GPBP1: variants seen among roughly 807,000 people sequenced by gnomAD.
GPBP1 encodes the protein vasculin.
Under a neutral mutation model 56.5 loss-of-function variants are expected in GPBP1, and 13 were observed. That is an observed-to-expected ratio of 0.23 (90% CI 0.15 to 0.37). The LOEUF (loss-of-function observed/expected upper bound fraction) is 0.37. Ranked by LOEUF, GPBP1 falls within the 10% of genes least tolerant of loss-of-function variation. The pLI is 1.00. For synonymous variants in GPBP1, 204 were observed against 188.9 expected (o/e 1.08, Z -0.66); for missense variants, 477 against 572.3 (o/e 0.83, Z 1.70).
At chr5:57,191,606 G>C (rs1325357883) in intron 2 of GPBP1, among the ~76,000 whole-genome samples, 1 of 150,784 alleles carries the variant, frequency 6.6e-6, no homozygotes, top group Non-Finnish European at 1.5e-5. Context: ...TCTATCACCA[G>C]GCTGGAGTGC....
rs150582613 is a variant in GPBP1 at position 57,176,666 on chromosome 5, G to A, written c.-58+266G>A. 3.2e-3 allele frequency among the ~76,000 whole-genome samples: 483 copies of A among 152,278 alleles called. 4 individuals are homozygous for A. The highest frequency in any genetic ancestry group is 0.011 in the African/African-American group (459 of 41,558). On this transcript the variant is annotated intron_variant, in intron 2 of 11. Transcript: ENST00000506184. ...GCTTTTTAAGTAAAAAGCTAAATTCGTATGGCCGGTATATATTGCCTTAGG... is the reference window on the plus strand; with the variant it reads ...GCTTTTTAAGTAAAAAGCTAAATTCATATGGCCGGTATATATTGCCTTAGG...
intron 2 of GPBP1, among the ~76,000 whole-genome samples, chr5:57,194,893 A>G (rs894964015): frequency 3.9e-5 from 6 of 152,260 alleles, no homozygotes; most frequent in Admixed American, 1.3e-4. Context: ...TTCTGTATCC[A>G]TTCATTCGTT....
intron 5 of GPBP1, among the ~76,000 whole-genome samples, chr5:57,235,311 A>C (rs554833040): frequency 2.0e-5 from 3 of 152,276 alleles, no homozygotes; most frequent in African/African-American, 7.2e-5. Flanking sequence ...ATTTCAAAAA[A>C]AAAAAATCTG....
intron 2 of GPBP1, among the ~76,000 whole-genome samples, chr5:57,177,989 C>G (rs1339682022): frequency 6.6e-6 from 1 of 151,784 alleles, no homozygotes; most frequent in South Asian, 2.1e-4. Context: ...CAGTGTTTCC[C>G]TTTGTTATAA....
chr5:57,252,388 C>G (rs1199759929), intron 10 of GPBP1, among the ~76,000 whole-genome samples: 1 of 151,864 alleles, frequency 6.6e-6, no homozygotes, highest in Non-Finnish European at 1.5e-5. Flanking sequence ...GCGAATTGTC[C>G]CAATATGTGA....
At chr5:57,236,075 ATATT>A in intron 6 of GPBP1, 43 bp downstream of exon 6, 1 of 1,241,178 alleles carries the variant, frequency 8.1e-7, no homozygotes, top group Non-Finnish European at 1.2e-6. Flanking sequence ...CAAAATGTTG[ATATT>A]TATAGGTTTC....
intron 3 of GPBP1, among the ~76,000 whole-genome samples, chr5:57,215,045 T>G (rs1325535871): frequency 6.6e-6 from 1 of 152,234 alleles, no homozygotes; most frequent in African/African-American, 2.4e-5. Context: ...TTTGTAGTAA[T>G]CAGAGTTTCA....
At chr5:57,237,166 C>A in intron 6 of GPBP1, 1 of 1,545,254 alleles carries the variant, frequency 6.5e-7, no homozygotes, top group Non-Finnish European at 8.8e-7. Flanking sequence ...CCAAGCTCCT[C>A]TCTTAGGTAT....
chr5:57,242,055 ACTT>A (rs932503562), intron 6 of GPBP1, among the ~76,000 whole-genome samples: 1 of 152,210 alleles, frequency 6.6e-6, no homozygotes, highest in Admixed American at 6.5e-5. Context: ...CATTAAGAAC[ACTT>A]CTTTTTCTTA....
rs869152603 is a variant in GPBP1 at position 57,219,375 on chromosome 5, C to CAA, written c.63+5209_63+5210dup. ...TGGGTGACAGAGCGAGACTCTGTCT[C>CAA]AAAAAAAAAAAAAAAAAAAAAAAAA... On this transcript the variant is annotated intron_variant, in intron 3 of 11. Transcript: ENST00000506184. 1.4e-3 allele frequency among the ~76,000 whole-genome samples: 51 copies of CAA among 35,284 alleles called. 1 individual carries two copies. Among genetic ancestry groups the CAA allele is most frequent in the African/African-American group, 3.5e-3 (31 of 8,850 alleles). The allele number at this position is 35,284 out of a possible 152,430, so 23.1% of individuals were successfully genotyped here.
intron 2 of GPBP1, among the ~76,000 whole-genome samples, chr5:57,179,221 C>T (rs992840205): frequency 6.6e-6 from 1 of 152,106 alleles, no homozygotes; most frequent in African/African-American, 2.4e-5. Flanking sequence ...TTTTTCTTTT[C>T]ATGTACTGCT....
In GPBP1 at chr5:57,250,944, T is replaced by A; in HGVS notation, c.973-10T>A. ...ATTCTTTTTTTTTTTTTTAACTCTC[T>A]AAAAATCAGGATGACGACTCATTTA... On this transcript the variant is annotated splice_polypyrimidine_tract_variant and intron_variant, in intron 9 of 11. Transcript: ENST00000506184. 1.3e-6 allele frequency: 2 copies of A among 1,513,908 alleles called. No individual in the cohort carries two copies. Among genetic ancestry groups the A allele is most frequent in the Non-Finnish European group, 9.0e-7 (1 of 1,116,576 alleles). The allele number at this position is 1,513,908 out of a possible 1,614,324, so 93.8% of individuals were successfully genotyped here.
intron 10 of GPBP1, among the ~76,000 whole-genome samples, chr5:57,257,664 A>G (rs886836586): frequency 6.6e-6 from 1 of 152,136 alleles, no homozygotes; most frequent in African/African-American, 2.4e-5. Flanking sequence ...ACTGTATCTC[A>G]GGCTGGTCTT....
chr5:57,195,531 G>T (rs1024379222), intron 2 of GPBP1, among the ~76,000 whole-genome samples: 13 of 152,022 alleles, frequency 8.6e-5, no homozygotes, highest in African/African-American at 2.9e-4. Flanking sequence ...AGCCTATTTT[G>T]TTGTAGTTAG....
chr5:57,229,261 A>AGG (rs1194725732), intron 3 of GPBP1, among the ~76,000 whole-genome samples: 12 of 135,184 alleles, frequency 8.9e-5, no homozygotes, highest in African/African-American at 2.8e-4. Context: ...AAAAAAAAAA[A>AGG]AAAAAAGGAG....
At chr5:57,237,841 T>C (rs1418721038) in intron 6 of GPBP1, among the ~76,000 whole-genome samples, 3 of 151,508 alleles carry the variant, frequency 2.0e-5, no homozygotes, top group Non-Finnish European at 4.4e-5. Context: ...AAATATAATA[T>C]TTATTAAAAA....
At chr5:57,248,467 G>A (rs370854814) in intron 8 of GPBP1, among the ~76,000 whole-genome samples, 9 of 123,646 alleles carry the variant, frequency 7.3e-5, no homozygotes, top group Admixed American at 2.1e-4. Flanking sequence ...TCGCTCTGTC[G>A]CCCAGGCTGG....
intron 6 of GPBP1, among the ~76,000 whole-genome samples, chr5:57,240,860 G>C (rs906836089): frequency 3.9e-5 from 6 of 151,948 alleles, no homozygotes; most frequent in African/African-American, 1.5e-4. Context: ...TGTAATTCCA[G>C]CTACTCGGGA....
intron 2 of GPBP1, among the ~76,000 whole-genome samples, chr5:57,197,002 G>GAACTCCTGGTCTTA (rs1754793583): frequency 6.6e-6 from 1 of 152,064 alleles, no homozygotes; most frequent in Non-Finnish European, 1.5e-5. Flanking sequence ...GGCTGGTCTT[G>GAACTCCTGGTCTTA]AACTCCTGGC....
Sources: gnomAD v4.1 joint callset for allele counts (sites outside exome capture counted in the v4.1 genomes callset) on GRCh38, gnomAD v4.1.1 for gene constraint, MANE v1.5 for transcripts, NCBI Gene and HGNC (gene_info 2026-07-23, HGNC 2026-07-21) for gene names.